The following TMPRSS15 variants were observed in gnomAD, a reference collection of about 807,000 sequenced individuals.
TMPRSS15 encodes enteropeptidase.
In TMPRSS15, 128 loss-of-function variants were observed where a neutral mutation model predicts 125.3. The observed-to-expected ratio is 1.02, with a 90% CI of 0.89 to 1.18. TMPRSS15 has a LOEUF of 1.18. TMPRSS15 is among the 50% of genes most tolerant of loss of function. The pLI, the probability that TMPRSS15 is intolerant of heterozygous loss-of-function variation, is 0.00. For missense variants in TMPRSS15, 1,283 were observed against 1,212.7 expected (o/e 1.06, Z -0.86); for synonymous variants, 446 against 423.2 (o/e 1.05, Z -0.66).
intron 18 of TMPRSS15, among the ~76,000 whole-genome samples, chr21:18,309,354 C>T (rs992441209): frequency 1.3e-5 from 2 of 152,258 alleles, no homozygotes; most frequent in East Asian, 3.9e-4. Context: ...TGGGCAAAGA[C>T]TTCATGACTA....
At chr21:18,297,423 T>A (rs2074919290) in intron 19 of TMPRSS15, among the ~76,000 whole-genome samples, 1 of 152,160 alleles carries the variant, frequency 6.6e-6, no homozygotes, top group African/African-American at 2.4e-5. Flanking sequence ...TTCCAAGTGA[T>A]TTAATTATTT....
At position 18,345,620 on chromosome 21, in the gene TMPRSS15, A is replaced by C. The variant is rs539810353; in HGVS notation, c.1172-1560T>G. ...GCTGGGCGTGGTGGCGGGCGCCTGT[A>C]GTCCCAGCTACTCGGGACACTGAGG... On this transcript the variant is annotated intron_variant, in intron 10 of 24. Transcript: ENST00000284885. Among the ~76,000 whole-genome samples, 162 of 147,366 alleles carry C rather than the reference A, an allele frequency of 1.1e-3. 1 individual carries two copies. The highest frequency in any genetic ancestry group is 6.9e-3 in the Middle Eastern group (2 of 288).
At position 18,472,063 on chromosome 21, in the gene TMPRSS15, T is replaced by A. The variant is rs546397802; in HGVS notation, c.10+13736A>T. 4.2e-4 allele frequency among the ~76,000 whole-genome samples: 64 copies of A among 152,250 alleles called. 1 individual carries two copies. The South Asian group carries it at 7.7e-3, about 18-fold the overall frequency. On this transcript the variant is annotated intron_variant, in intron 1 of 7. Coordinates refer to the TMPRSS15 transcript ENST00000422787. ...ATTTTTTTCTCAAGATGAAATGGCT[T>A]CAGTCAGAAGTTGCTTTAGAAGAAG...
chr21:18,326,404 A>G, intron 16 of TMPRSS15, 28 bp downstream of exon 16: 15 of 1,614,028 alleles, frequency 9.3e-6, no homozygotes, highest in Middle Eastern at 1.7e-4. Context: ...AAAAGTTATG[A>G]TGCAATGTGT....
chr21:18,353,097 A>G, intron 9 of TMPRSS15, 45 bp from the exon 10 acceptor site: 1 of 1,530,052 alleles, frequency 6.5e-7, no homozygotes, highest in East Asian at 2.3e-5. Flanking sequence ...TTAGTCCATA[A>G]TGTGAGTAGT....
At chr21:18,327,249 T>G (rs762430238) in intron 15 of TMPRSS15, among the ~76,000 whole-genome samples, 7 of 152,238 alleles carry the variant, frequency 4.6e-5, no homozygotes, top group Non-Finnish European at 7.3e-5. Context: ...TTATTTACTT[T>G]TCAATGATTT....
At chr21:18,304,044 A>G (rs997535040) in intron 18 of TMPRSS15, among the ~76,000 whole-genome samples, 1 of 152,178 alleles carries the variant, frequency 6.6e-6, no homozygotes, top group African/African-American at 2.4e-5. Flanking sequence ...CTTGCTATGG[A>G]TATTTTTCAC....
At chr21:18,383,185 A>C (rs908409831) in intron 4 of TMPRSS15, among the ~76,000 whole-genome samples, 4 of 151,302 alleles carry the variant, frequency 2.6e-5, no homozygotes, top group African/African-American at 9.7e-5. Context: ...CAACACTCTC[A>C]GAATCTCCTT....
chr21:18,326,635 C>T, intron 15 of TMPRSS15, 63 bp from the exon 16 acceptor site: 3 of 1,600,670 alleles, frequency 1.9e-6, no homozygotes, highest in African/African-American at 2.7e-5. Context: ...GGAAATGTAC[C>T]CCACATCTCA....
chr21:18,297,802 G>T lies in TMPRSS15; in HGVS notation c.2193C>A (p.Phe731Leu). 1 of 1,613,504 alleles carries T rather than the reference G, an allele frequency of 6.2e-7. No homozygotes were observed. Among genetic ancestry groups the T allele is most frequent in the Non-Finnish European group, 8.5e-7 (1 of 1,179,556 alleles). The change falls in exon 19 of 25, where the codon TTC (phenylalanine) becomes TTA (leucine). Residue 731 changes from phenylalanine to leucine, a missense_variant. Physicochemically the swap from Phe to Leu is conservative, Grantham distance 22. Coordinates refer to ENST00000284885, the MANE Select transcript of TMPRSS15 (RefSeq NM_002772.3). ...LGSGNSSKPI[F>L]PTDGGPFVKL... The stretch of plus-strand genomic sequence containing the variant: ...TGACAAATGGTCCACCATCGGTAGG[G>T]AAGATTGGCTTTGATGAGTTTCCAC...
intron 1 of TMPRSS15, among the ~76,000 whole-genome samples, chr21:18,432,625 T>C (rs544528842): frequency 6.6e-6 from 1 of 152,256 alleles, no homozygotes; most frequent in South Asian, 2.1e-4. Context: ...TATGCTTCCA[T>C]ACGCTAAAGA....
intron 4 of TMPRSS15, among the ~76,000 whole-genome samples, chr21:18,383,423 G>T (rs904290925): frequency 1.3e-5 from 2 of 151,818 alleles, no homozygotes; most frequent in African/African-American, 4.8e-5. Context: ...CTTGATATTT[G>T]GTATTTTATA....
chr21:18,351,927 T>C (rs764019484), intron 10 of TMPRSS15, among the ~76,000 whole-genome samples: 2 of 152,144 alleles, frequency 1.3e-5, no homozygotes, highest in South Asian at 2.1e-4. Context: ...AGTTACTGTA[T>C]ATGACCTGTA....
chr21:18,437,877 G>A (rs2076231418), intron 1 of TMPRSS15, among the ~76,000 whole-genome samples: 2 of 151,818 alleles, frequency 1.3e-5, no homozygotes, highest in Admixed American at 6.6e-5. Context: ...CACTGTTGGT[G>A]GGACTGTAAA....
rs1032834280 is a variant in TMPRSS15 at position 18,426,790 on chromosome 21, G to A, written c.11-28461C>T. 9.8e-5 allele frequency among the ~76,000 whole-genome samples: 15 copies of A among 152,288 alleles called. 2 individuals carry two copies. Among genetic ancestry groups the A allele is most frequent in the Admixed American group, 8.5e-4 (13 of 15,294 alleles). Reference sequence around the variant, plus strand: ...TGAAAAATAAGAATGTGGAAAAAATGTGTTGCCAAACGGTTTGTCAATTAA... The same window carrying A: ...TGAAAAATAAGAATGTGGAAAAAATATGTTGCCAAACGGTTTGTCAATTAA... On this transcript the variant is annotated intron_variant, in intron 1 of 7. Coordinates refer to the TMPRSS15 transcript ENST00000422787.
chr21:18,285,666 T>A (rs2074753955), intron 21 of TMPRSS15, among the ~76,000 whole-genome samples: 1 of 152,194 alleles, frequency 6.6e-6, no homozygotes, highest in Non-Finnish European at 1.5e-5. Flanking sequence ...TTCAAGAATA[T>A]CGGGCAATTC....
At chr21:18,310,649 A>G (rs528284558) in intron 18 of TMPRSS15, among the ~76,000 whole-genome samples, 1 of 152,118 alleles carries the variant, frequency 6.6e-6, no homozygotes, top group South Asian at 2.1e-4. Context: ...CTATTTAATG[A>G]TAGGGATTTA....
intron 1 of TMPRSS15, among the ~76,000 whole-genome samples, chr21:18,468,319 T>C (rs1395387683): frequency 6.6e-6 from 1 of 152,150 alleles, no homozygotes; most frequent in Non-Finnish European, 1.5e-5. Context: ...ACTGGCAAAA[T>C]AGACAACTGC....
intron 16 of TMPRSS15, among the ~76,000 whole-genome samples, chr21:18,323,195 C>A (rs144281300): frequency 1.3e-5 from 2 of 152,122 alleles, no homozygotes. Context: ...GATGCTTTAA[C>A]TTTTGCAGAT....
Sources: gnomAD v4.1 joint callset for allele counts (sites outside exome capture counted in the v4.1 genomes callset) on GRCh38, gnomAD v4.1.1 for gene constraint, MANE v1.5 for transcripts, NCBI Gene and HGNC (gene_info 2026-07-23, HGNC 2026-07-21) for gene names.